COL6A5: variants seen among roughly 807,000 people sequenced by gnomAD.
The protein encoded by COL6A5 is collagen type VI alpha 5 chain.
A neutral mutation model predicts 65.6 loss-of-function variants in COL6A5; 48 were observed. That is an observed-to-expected ratio of 0.73 (90% CI 0.58 to 0.93). The LOEUF is 0.93. COL6A5 is among the 40% of genes least tolerant of loss of function. The pLI, the probability that COL6A5 is intolerant of heterozygous loss-of-function variation, is 0.00. For synonymous variants in COL6A5, 291 were observed against 322.8 expected (o/e 0.90, Z 1.05); for missense variants, 914 against 928.3 (o/e 0.98, Z 0.20).
intron 4 of COL6A5, among the ~76,000 whole-genome samples, chr3:130,455,199 G>A (rs993626290): frequency 6.6e-6 from 1 of 151,342 alleles, no homozygotes; most frequent in African/African-American, 2.4e-5. Flanking sequence ...AATCAAACTT[G>A]GTTATTCCAA....
At chr3:130,395,514 C>T (rs1020954944) in intron 8 of COL6A5, 49 bp downstream of exon 8, 2 of 1,396,004 alleles carry the variant, frequency 1.4e-6, no homozygotes, top group Admixed American at 5.0e-5. Flanking sequence ...CTCATTTCTC[C>T]ATTTCCCAAG....
At chr3:130,427,534 G>A (rs1226383640), upstream of COL6A5, among the ~76,000 whole-genome samples, 1 of 152,086 alleles carries the variant, frequency 6.6e-6, no homozygotes. Flanking sequence ...ATTGGTTGGA[G>A]AAGATGATTA....
At chr3:130,376,789 A>C in exon 3 of COL6A5, 2 of 1,613,490 alleles carry the variant, frequency 1.2e-6, no homozygotes, top group South Asian at 2.2e-5. Context: ...CAGATCATCA[A>C]GGATGTAACC....
At chr3:130,370,517 A>G (rs1464276816) in intron 1 of COL6A5, among the ~76,000 whole-genome samples, 2 of 152,172 alleles carry the variant, frequency 1.3e-5, no homozygotes, top group Non-Finnish European at 2.9e-5. Flanking sequence ...GAGGAATACA[A>G]ATTTCACCCT....
At chr3:130,484,093 A>C (rs1215661974) in exon 8 of COL6A5, 8 of 1,590,382 alleles carry the variant, frequency 5.0e-6, no homozygotes, top group Non-Finnish European at 6.9e-6. Flanking sequence ...GACATGTATA[A>C]TCCCATGTGG....
At chr3:130,371,273 C>T (rs914028765) in intron 1 of COL6A5, among the ~76,000 whole-genome samples, 4 of 151,572 alleles carry the variant, frequency 2.6e-5, no homozygotes, top group Non-Finnish European at 5.9e-5. Context: ...AATGAAATTC[C>T]TATCAAAATC....
At chr3:130,426,519 T>A, upstream of COL6A5, 1 of 1,045,564 alleles carries the variant, frequency 9.6e-7, no homozygotes, top group Non-Finnish European at 1.5e-6. Context: ...GAAGCCTCTG[T>A]AACAAGCTTG....
At chr3:130,460,658 C>G (rs1474868530) in intron 5 of COL6A5, among the ~76,000 whole-genome samples, 1 of 151,600 alleles carries the variant, frequency 6.6e-6, no homozygotes, top group Non-Finnish European at 1.5e-5. Context: ...AGTGTTGGTG[C>G]TGGTCATGGT....
chr3:130,450,530 A>G (rs111397853), intron 4 of COL6A5, among the ~76,000 whole-genome samples: 2,153 of 152,242 alleles, frequency 0.014, 57 homozygotes, highest in African/African-American at 0.049. Context: ...GTCTGATCCA[A>G]TGCCTTCACA....
At chr3:130,472,858 T>TATATATATATAAATATATAA (rs1198559167) in intron 7 of COL6A5, among the ~76,000 whole-genome samples, 1 of 141,868 alleles carries the variant, frequency 7.0e-6, no homozygotes, top group African/African-American at 2.6e-5. Context: ...TATATATATA[T>TATATATATATAAATATATAA]ACACATTTAT....
At chr3:130,358,938 A>G (rs1935015762) in intron 1 of COL6A5, among the ~76,000 whole-genome samples, 1 of 152,190 alleles carries the variant, frequency 6.6e-6, no homozygotes, top group Non-Finnish European at 1.5e-5. Context: ...ATTTATAAAG[A>G]ATTGATTAAA....
chr3:130,446,753 C>T (rs1709314634), intron 4 of COL6A5, among the ~76,000 whole-genome samples: 1 of 151,258 alleles, frequency 6.6e-6, no homozygotes, highest in Admixed American at 6.6e-5. Context: ...CCCGGTGAAA[C>T]ACAAGTATAT....
At chr3:130,387,337 G>A (rs2403349) in intron 5 of COL6A5, among the ~76,000 whole-genome samples, 39,664 of 152,012 alleles carry the variant, frequency 0.26, 6,594 homozygotes, top group East Asian at 0.52. Context: ...AGAATGGAAA[G>A]ATAGATATTC....
At chr3:130,412,277 A>AT (rs1252633243) in intron 20 of COL6A5, among the ~76,000 whole-genome samples, 1 of 152,232 alleles carries the variant, frequency 6.6e-6, no homozygotes, top group East Asian at 1.9e-4. Context: ...TATTATATCC[A>AT]TTTTTCCAGA....
At chr3:130,366,446 C>T (rs1008728552) in intron 1 of COL6A5, among the ~76,000 whole-genome samples, 6 of 152,090 alleles carry the variant, frequency 3.9e-5, no homozygotes, top group Non-Finnish European at 7.4e-5. Context: ...TTCGTTGAGC[C>T]CATGTTCCCA....
intron 7 of COL6A5, among the ~76,000 whole-genome samples, chr3:130,393,431 T>C (rs1228011493): frequency 2.0e-5 from 3 of 152,202 alleles, no homozygotes; most frequent in African/African-American, 4.8e-5. Context: ...TTGACACATA[T>C]TTGCTGTTTT....
exon 24 of COL6A5, chr3:130,416,805 C>A: frequency 6.6e-7 from 1 of 1,516,968 alleles, no homozygotes; most frequent in Non-Finnish European, 8.9e-7. Context: ...AAGACCTGGA[C>A]TTTTGGGGAA....
intron 5 of COL6A5, among the ~76,000 whole-genome samples, chr3:130,466,712 T>C (rs1409111200): frequency 1.8e-4 from 28 of 151,930 alleles, no homozygotes; most frequent in Admixed American, 1.8e-3. Context: ...AATTGATAAA[T>C]GTATAATTAA....
chr3:130,423,217 A>G (rs1355617129), intron 28 of COL6A5, among the ~76,000 whole-genome samples: 1 of 152,066 alleles, frequency 6.6e-6, no homozygotes, highest in Non-Finnish European at 1.5e-5. Flanking sequence ...CATGTAGGCT[A>G]TTTTGAGGGA....
Sources: allele counts gnomAD v4.1 joint callset (sites outside exome capture counted in the v4.1 genomes callset), GRCh38; gene constraint gnomAD v4.1.1; transcripts MANE v1.5; gene names NCBI Gene and HGNC (gene_info 2026-07-23, HGNC 2026-07-21).